The following NFRKB variants were observed in gnomAD, a reference collection of about 807,000 sequenced individuals.
NFRKB encodes the protein nuclear factor related to kappaB binding protein, also known as nuclear factor related to kappa-B-binding protein.
In NFRKB, 62 loss-of-function variants were observed where a neutral mutation model predicts 135.7. The ratio of observed to expected loss-of-function variants is 0.46; its 90% CI spans 0.37 to 0.56. The LOEUF (loss-of-function observed/expected upper bound fraction) is 0.56, where lower values mean the gene tolerates loss of function less well. Among genes scored for constraint, NFRKB ranks in the 20% least tolerant of loss-of-function variants. The probability of loss-of-function intolerance (pLI) is 0.00; values close to 1 mark genes in which losing one functional copy is unlikely to be tolerated. For synonymous variants in NFRKB, 678 were observed against 635.6 expected, an observed-to-expected ratio of 1.07 and a Z score of -1.00; for missense variants, 1,545 against 1,662.0, an observed-to-expected ratio of 0.93 and a Z score of 1.22.
chr11:129,882,941 G>C (rs528419814), intron 9 of NFRKB, among the ~76,000 whole-genome samples, 181 bp downstream of exon 9: 1 of 152,140 alleles, frequency 6.6e-6, no homozygotes. Context: ...ATTTATTAAA[G>C]AGCTGATGCT....
chr11:129,873,214 C>A, intron 22 of NFRKB, 118 bp from the exon 23 acceptor site: 1 of 834,790 alleles, frequency 1.2e-6, no homozygotes. Flanking sequence ...TCTAATCCCA[C>A]AGTACTTAAG....
rs1949165192 is a variant in NFRKB at position 129,884,220 on chromosome 11, A to G, written c.743-77T>C. On this transcript the variant is annotated intron_variant, in intron 7 of 26. Coordinates refer to ENST00000682444, the MANE Select transcript of NFRKB (RefSeq NM_001143835.2). ...CTTTCTGGTCACTTTCAAAAGTAAG[A>G]TATTTCTGAGTTTCCCTTCTGACAC... 4.1e-6 allele frequency: 6 copies of G among 1,475,078 alleles called. No individual in the cohort carries two copies. The Admixed American group carries it at 5.0e-5, about 12-fold the overall frequency. The allele number at this position is 1,475,078 out of a possible 1,614,324, so 91.4% of individuals were successfully genotyped here. A position where few individuals can be genotyped will look rare whatever the true frequency, so the allele number is the denominator to read the frequency against.
chr11:129,878,703 A>T (rs1685314129), intron 13 of NFRKB, among the ~76,000 whole-genome samples, 160 bp from the exon 14 acceptor site: 1 of 152,228 alleles, frequency 6.6e-6, no homozygotes, highest in African/African-American at 2.4e-5. Context: ...GGCGGAAGTC[A>T]GCCTGGACCA....
At chr11:129,884,463 C>T (rs983025305) in intron 7 of NFRKB, among the ~76,000 whole-genome samples, 3 of 152,218 alleles carry the variant, frequency 2.0e-5, no homozygotes, top group African/African-American at 7.2e-5. Context: ...GTCCGCTTAC[C>T]GCACTGCCCC....
At chr11:129,872,145 C>T (rs1591484715) in intron 23 of NFRKB, among the ~76,000 whole-genome samples, 3 of 152,184 alleles carry the variant, frequency 2.0e-5, no homozygotes, top group East Asian at 3.9e-4. Context: ...TACTGCTCTC[C>T]ACCCCTGAGC....
chr11:129,881,482 C>A lies in NFRKB; in HGVS notation c.1345G>T (p.Val449Phe). The A allele has an allele frequency of 6.2e-7, 1 of 1,614,024 alleles. No individual in the cohort carries two copies. The highest frequency in any genetic ancestry group is 8.5e-7 in the Non-Finnish European group (1 of 1,180,000). The change falls in exon 13 of 27, where the codon GTT (valine) becomes TTT (phenylalanine). Residue 449 changes from valine (V) to phenylalanine (F), a missense_variant. By Grantham distance (50) the Val-to-Phe change is conservative (BLOSUM62 -1). Transcript: ENST00000682444. ...TGCTGGGTTTTCTCTTTGAATTCAA[C>A]AAATGGAGAGAAACTGGAAGGAACA... ...RAVPSSFSPF[V>F]EFKEKTQQWK...
chr11:129,884,687 G>T, intron 7 of NFRKB, 58 bp downstream of exon 7: 2 of 1,598,202 alleles, frequency 1.3e-6, no homozygotes, highest in East Asian at 2.2e-5. Context: ...CTCTAAAGGA[G>T]TTTTCAGGTC....
chr11:129,883,935 C>T (rs1329718713), intron 8 of NFRKB, 135 bp downstream of exon 8: 10 of 926,954 alleles, frequency 1.1e-5, no homozygotes, highest in South Asian at 8.0e-5. Context: ...TAGCTAGCCT[C>T]GCCAGCTGCT....
rs201960306 is a variant in NFRKB, at chr11:129,876,709, C to T, written c.1747+12G>A. 36 of 1,608,944 alleles carry T rather than the reference C, an allele frequency of 2.2e-5. No individual in the cohort carries two copies. Among genetic ancestry groups the T allele is most frequent in the East Asian group, 6.7e-5 (3 of 44,794 alleles). ...AGAAAGGGATCTCTGATAATCGACACGTGCCACCTACCAAGAGACAGAATG... is the reference window on the plus strand; with the variant it reads ...AGAAAGGGATCTCTGATAATCGACATGTGCCACCTACCAAGAGACAGAATG... On this transcript the variant is annotated intron_variant, in intron 17 of 26. Coordinates refer to ENST00000682444, the MANE Select transcript of NFRKB (RefSeq NM_001143835.2).
At chr11:129,867,439 CCT>C (rs1029581440) in intron 24 of NFRKB, among the ~76,000 whole-genome samples, 22 of 151,868 alleles carry the variant, frequency 1.4e-4, no homozygotes, top group African/African-American at 4.8e-4. Flanking sequence ...GCCTCAGCCC[CCT>C]GAGTAGCTGG....
intron 6 of NFRKB, 103 bp downstream of exon 6, chr11:129,885,332 G>A: frequency 7.5e-7 from 1 of 1,332,990 alleles, no homozygotes; most frequent in Non-Finnish European, 1.0e-6. Flanking sequence ...ACTCAAGAGG[G>A]TTTCTTTGCT....
chr11:129,886,488 A>C, intron 4 of NFRKB, 44 bp from the exon 5 acceptor site: 1 of 1,560,972 alleles, frequency 6.4e-7, no homozygotes, highest in South Asian at 1.1e-5. Flanking sequence ...ATCAACAAAT[A>C]TACATCATCA....
rs55912984 is a variant in NFRKB at position 129,874,444 on chromosome 11, T to G, written c.2058+57A>C. On this transcript the variant is annotated intron_variant, in intron 20 of 26. Transcript: ENST00000682444. This position sits in a 1 kb window ranked among gnomAD's most constrained non-coding sequence, Gnocchi z 4.5. ...CACCAAGTGAAAGCCGAGCAGCCACTCTTAGTTGCCTCCATCCCAGAATCC... is the reference window on the plus strand; with the variant it reads ...CACCAAGTGAAAGCCGAGCAGCCACGCTTAGTTGCCTCCATCCCAGAATCC... 437 of 1,582,134 alleles carry G rather than the reference T, an allele frequency of 2.8e-4. No individual in the cohort carries two copies. The highest frequency in any genetic ancestry group is 5.3e-4 in the South Asian group (45 of 85,360).
rs78562084 is a variant in NFRKB, at chr11:129,888,523, G to T, written c.337+71C>A. The T allele has an allele frequency of 3.5e-5, 48 of 1,383,584 alleles. No homozygotes were observed. In the East Asian group the frequency reaches 9.6e-4, roughly 28 times the overall value. The allele number at this position is 1,383,584 out of a possible 1,614,324, so 85.7% of individuals were successfully genotyped here. On this transcript the variant is annotated intron_variant, in intron 4 of 26. Transcript: ENST00000682444. ...AGATAAAAAGAAGAAAAGGAAGAAAGGAATACCCACATAAAGTGAACGTGT... is the reference window on the plus strand; with the variant it reads ...AGATAAAAAGAAGAAAAGGAAGAAATGAATACCCACATAAAGTGAACGTGT...
Position 129,874,340 on chromosome 11 carries a change from CG to C in NFRKB, c.2059-8del. The C allele has an allele frequency of 6.6e-7, 1 of 1,518,880 alleles. No individual in the cohort carries two copies. The allele number at this position is 1,518,880 out of a possible 1,614,324, so 94.1% of individuals were successfully genotyped here. ...TCTCCTTGCTACTGGACTTCTAGAACGGAAGACAAAGAAAACTCACCTGGTG... is the reference window on the plus strand; with the variant it reads ...TCTCCTTGCTACTGGACTTCTAGAACGAAGACAAAGAAAACTCACCTGGTG... On this transcript the variant is annotated splice_region_variant and splice_polypyrimidine_tract_variant and intron_variant, in intron 20 of 26. Transcript: ENST00000682444. This position sits in a 1 kb window ranked among gnomAD's most constrained non-coding sequence, Gnocchi z 4.5.
chr11:129,890,158 T>C (rs1252032408), intron 3 of NFRKB, among the ~76,000 whole-genome samples: 1 of 151,828 alleles, frequency 6.6e-6, no homozygotes, highest in East Asian at 1.9e-4. Flanking sequence ...GTGACTTTTA[T>C]CCCTAAGGAC....
intron 13 of NFRKB, among the ~76,000 whole-genome samples, chr11:129,878,915 T>C (rs1458960759): frequency 6.6e-6 from 1 of 152,244 alleles, no homozygotes; most frequent in Non-Finnish European, 1.5e-5. Context: ...GATGTCATCA[T>C]AGCTTATACC....
intron 23 of NFRKB, among the ~76,000 whole-genome samples, chr11:129,871,819 C>T (rs1458240533): frequency 1.3e-5 from 2 of 152,174 alleles, no homozygotes; most frequent in African/African-American, 4.8e-5. Flanking sequence ...CAGATCAAGT[C>T]ACCCTTGCTC....
Position 129,870,103 on chromosome 11 carries a change from C to T in NFRKB, c.2922G>A (p.Pro974=), listed in dbSNP as rs749281377. The stretch of plus-strand genomic sequence containing the variant: ...ACTTGGCCAATGTGGCCATCATGTC[C>T]GGAGTGATTCGCAGAACCGTCTGGC... ...AKGQTVLRIT[P]DMMATLAKSQ... Residue 974 remains proline (P), a synonymous_variant, in exon 24 of 27, where the codon CCG becomes CCA. Coordinates refer to ENST00000682444, the MANE Select transcript of NFRKB (RefSeq NM_001143835.2). The T allele has an allele frequency of 1.2e-5, 20 of 1,614,232 alleles. No homozygotes were observed. The highest frequency in any genetic ancestry group is 7.7e-5 in the South Asian group (7 of 91,088).
Sources: allele counts gnomAD v4.1 joint callset (sites outside exome capture counted in the v4.1 genomes callset), GRCh38; gene constraint gnomAD v4.1.1; non-coding constraint Gnocchi (gnomAD v3.1); transcripts MANE v1.5; gene names NCBI Gene and HGNC (gene_info 2026-07-23, HGNC 2026-07-21).